ARHGAP26: variants seen among roughly 807,000 people sequenced by gnomAD.
ARHGAP26 encodes Rho GTPase activating protein 26.
Under a neutral mutation model 104.8 loss-of-function variants are expected in ARHGAP26, and 38 were observed. The ratio of observed to expected loss-of-function variants is 0.36; its 90% CI spans 0.28 to 0.48. ARHGAP26 has a LOEUF of 0.48. Ranked by LOEUF, ARHGAP26 falls within the 20% of genes least tolerant of loss-of-function variation. The pLI, the probability that ARHGAP26 is intolerant of heterozygous loss-of-function variation, is 0.99. For synonymous variants in ARHGAP26, 341 were observed against 340.0 expected (o/e 1.00, Z -0.03); for missense variants, 704 against 947.9 (o/e 0.74, Z 3.38).
At chr5:142,812,504 AT>A (rs1231094999) in intron 1 of ARHGAP26, among the ~76,000 whole-genome samples, 1 of 151,584 alleles carries the variant, frequency 6.6e-6, no homozygotes, top group African/African-American at 2.4e-5. Flanking sequence ...TGCCCGGCTA[AT>A]TTTTGTATTT....
chr5:142,908,070 C>A (rs536030166), intron 9 of ARHGAP26, among the ~76,000 whole-genome samples: 1 of 152,102 alleles, frequency 6.6e-6, no homozygotes, highest in Admixed American at 6.6e-5. Context: ...CAATATCAAG[C>A]GTATCAAATA....
In ARHGAP26 at chr5:142,814,591, G is replaced by C. The variant is rs115667759; in HGVS notation, c.154+43676G>C. On this transcript the variant is annotated intron_variant, in intron 1 of 22. Transcript: ENST00000645722. ...GTGGCTTAAATCTTCAGTACAACAAGGTGAGATAAACAAGTAAATAAGATT... is the reference window on the plus strand; with the variant it reads ...GTGGCTTAAATCTTCAGTACAACAACGTGAGATAAACAAGTAAATAAGATT... 7.3e-3 allele frequency among the ~76,000 whole-genome samples: 1,105 copies of C among 152,280 alleles called. 12 individuals are homozygous for C. Among genetic ancestry groups the C allele is most frequent in the African/African-American group, 0.026 (1,066 of 41,532 alleles).
intron 14 of ARHGAP26, among the ~76,000 whole-genome samples, chr5:143,046,767 G>T (rs1047443456): frequency 1.3e-5 from 2 of 151,984 alleles, no homozygotes; most frequent in Admixed American, 1.3e-4. Flanking sequence ...CTCTCTTCCT[G>T]TCTCTCCGTA....
chr5:142,932,303 A>T (rs1764842161), intron 11 of ARHGAP26, among the ~76,000 whole-genome samples, 178 bp downstream of exon 11: 1 of 152,098 alleles, frequency 6.6e-6, no homozygotes, highest in African/African-American at 2.4e-5. Context: ...TTCTGTATAG[A>T]TGTAGTTCTT....
intron 11 of ARHGAP26, among the ~76,000 whole-genome samples, chr5:142,999,084 A>G (rs547244760): frequency 6.6e-6 from 1 of 152,350 alleles, no homozygotes; most frequent in African/African-American, 2.4e-5. Context: ...GACTAAGAGT[A>G]TGGCATTTCA....
intron 11 of ARHGAP26, among the ~76,000 whole-genome samples, chr5:142,984,370 A>G (rs1189110059): frequency 6.6e-6 from 1 of 152,238 alleles, no homozygotes; most frequent in Non-Finnish European, 1.5e-5. Context: ...TGTACAGTCC[A>G]TTAGCAGTAG....
intron 14 of ARHGAP26, among the ~76,000 whole-genome samples, chr5:143,050,129 C>T (rs899951723): frequency 5.3e-5 from 8 of 152,204 alleles, no homozygotes; most frequent in African/African-American, 1.9e-4. Flanking sequence ...AGGGCCACCA[C>T]CTATCACATT....
rs73288119 is a variant in ARHGAP26 at position 143,110,318 on chromosome 5, A to G, written c.1539-10670A>G. Among the ~76,000 whole-genome samples, 725 of 152,358 alleles carry G rather than the reference A, an allele frequency of 4.8e-3. 3 individuals carry two copies. The highest frequency in any genetic ancestry group is 0.017 in the African/African-American group (690 of 41,588). On this transcript the variant is annotated intron_variant, in intron 17 of 22. Transcript: ENST00000645722. ...TCACCAGTATATCTCCAGCACTTAAAGCAGTCCCTGGCACACAAGGGGTGC... is the reference window on the plus strand; with the variant it reads ...TCACCAGTATATCTCCAGCACTTAAGGCAGTCCCTGGCACACAAGGGGTGC...
rs118042096 is a variant in ARHGAP26 at position 142,803,510 on chromosome 5, G to A, written c.154+32595G>A. Reference sequence around the variant, plus strand: ...AACCTGGCCTTTCACGAAAGGTCCCGTCATCTATTAAAACACTGGTTGCAT... The same window carrying A: ...AACCTGGCCTTTCACGAAAGGTCCCATCATCTATTAAAACACTGGTTGCAT... On this transcript the variant is annotated intron_variant, in intron 1 of 22. Transcript: ENST00000645722. Among the ~76,000 whole-genome samples the A allele has an allele frequency of 5.8e-4, 88 of 152,282 alleles. 2 individuals carry two copies. The East Asian group carries it at 0.013, about 22-fold the overall frequency.
At chr5:142,906,958 T>A (rs1272669528) in intron 8 of ARHGAP26, among the ~76,000 whole-genome samples, 2 of 152,212 alleles carry the variant, frequency 1.3e-5, no homozygotes, top group African/African-American at 2.4e-5. Context: ...GCAGGCTGAC[T>A]AATGCCTTCT....
intron 17 of ARHGAP26, among the ~76,000 whole-genome samples, chr5:143,119,084 G>A (rs968369359): frequency 2.0e-5 from 3 of 152,184 alleles, no homozygotes; most frequent in Non-Finnish European, 4.4e-5. Flanking sequence ...CAGGGGAGGT[G>A]TGAGAGCTGA....
intron 11 of ARHGAP26, among the ~76,000 whole-genome samples, chr5:142,987,377 A>G (rs1774912780): frequency 6.6e-6 from 1 of 152,222 alleles, no homozygotes; most frequent in Non-Finnish European, 1.5e-5. Flanking sequence ...GTTGCTTATC[A>G]GCTTAAGGAG....
intron 20 of ARHGAP26, among the ~76,000 whole-genome samples, chr5:143,160,840 C>A (rs1801140078): frequency 6.6e-6 from 1 of 152,076 alleles, no homozygotes; most frequent in Admixed American, 6.6e-5. Flanking sequence ...CCATCAATGG[C>A]CAAATGGCTC....
At position 142,947,627 on chromosome 5, in the gene ARHGAP26, A is replaced by G. The variant is rs186037474; in HGVS notation, c.1107+15502A>G. The stretch of plus-strand genomic sequence containing the variant: ...GTGCTGTGAAACATAATAAGCACCT[A>G]TTACTCACTGAATTAACTTGGAGGC... On this transcript the variant is annotated intron_variant, in intron 11 of 22. Coordinates refer to ENST00000645722, the MANE Select transcript of ARHGAP26 (RefSeq NM_001135608.3). 8.5e-5 allele frequency among the ~76,000 whole-genome samples: 13 copies of G among 152,306 alleles called. No individual in the cohort carries two copies. In the East Asian group the frequency reaches 2.5e-3, roughly 29 times the overall value.
At chr5:143,077,175 G>A (rs1789159447) in intron 17 of ARHGAP26, among the ~76,000 whole-genome samples, 1 of 152,226 alleles carries the variant, frequency 6.6e-6, no homozygotes, top group South Asian at 2.1e-4. Context: ...TTCTGTGAAT[G>A]CCTCAGGTAT....
At chr5:143,184,985 G>A (rs896453070) in intron 20 of ARHGAP26, among the ~76,000 whole-genome samples, 23 of 152,148 alleles carry the variant, frequency 1.5e-4, no homozygotes, top group African/African-American at 5.3e-4. Flanking sequence ...AGAGGTCTAT[G>A]CAACAGTGAG....
At chr5:142,991,935 C>T (rs1484859824) in intron 11 of ARHGAP26, among the ~76,000 whole-genome samples, 2 of 152,180 alleles carry the variant, frequency 1.3e-5, no homozygotes, top group African/African-American at 4.8e-5. Context: ...TTTATACTTC[C>T]ATGAGTTGCA....
rs886116324 is a variant in ARHGAP26, at chr5:142,976,240, A to G, written c.1108-37840A>G. ...CTTCCATAAAGTACTCCTTTAAAGCATTTGAAATAATCTGTTTGAAATAGG... is the reference window on the plus strand; with the variant it reads ...CTTCCATAAAGTACTCCTTTAAAGCGTTTGAAATAATCTGTTTGAAATAGG... On this transcript the variant is annotated intron_variant, in intron 11 of 22. Transcript: ENST00000645722. 6.6e-5 allele frequency among the ~76,000 whole-genome samples: 10 copies of G among 152,232 alleles called. 1 individual carries two copies. The highest frequency in any genetic ancestry group is 6.5e-4 in the Admixed American group (10 of 15,284).
chr5:142,848,206 G>A (rs889969763), intron 1 of ARHGAP26, among the ~76,000 whole-genome samples: 5 of 152,190 alleles, frequency 3.3e-5, no homozygotes, highest in Non-Finnish European at 7.3e-5. Context: ...TCTCTCAGCC[G>A]CCTGGTATTA....
Sources: allele counts gnomAD v4.1 joint callset (sites outside exome capture counted in the v4.1 genomes callset), GRCh38; gene constraint gnomAD v4.1.1; transcripts MANE v1.5; gene names NCBI Gene and HGNC (gene_info 2026-07-23, HGNC 2026-07-21).